STPG2: variants seen among roughly 807,000 people sequenced by gnomAD.
The protein encoded by STPG2 is sperm-tail PG-rich repeat-containing protein 2.
In STPG2, 56 loss-of-function variants were observed where a neutral mutation model predicts 54.2. The observed-to-expected ratio is 1.03, with a 90% confidence interval of 0.83 to 1.29. The LOEUF is 1.29. Ranked by LOEUF, STPG2 falls within the 50% of genes most tolerant of loss-of-function variation. The probability of loss-of-function intolerance (pLI) is 0.00; values close to 1 mark genes in which losing one functional copy is unlikely to be tolerated. For synonymous variants in STPG2, 200 were observed against 181.8 expected (o/e 1.10, Z -0.81); for missense variants, 596 against 544.9 (o/e 1.09, Z -0.93).
chr4:97,912,557 G>A (rs546885100), intron 8 of STPG2, among the ~76,000 whole-genome samples: 1 of 152,228 alleles, frequency 6.6e-6, no homozygotes, highest in Admixed American at 6.5e-5. Flanking sequence ...CCAAGTGGAG[G>A]AAAGAATCTC....
At chr4:97,575,555 T>C (rs916859157) in intron 10 of STPG2, among the ~76,000 whole-genome samples, 11 of 152,122 alleles carry the variant, frequency 7.2e-5, no homozygotes, top group African/African-American at 2.7e-4. Context: ...GAAAAAGCTT[T>C]TGATAAAAAT....
chr4:97,922,226 G>A (rs1268543202), intron 8 of STPG2, among the ~76,000 whole-genome samples: 2 of 151,938 alleles, frequency 1.3e-5, no homozygotes, highest in African/African-American at 2.4e-5. Flanking sequence ...TCATTTTACA[G>A]GGAATACATA....
chr4:97,973,234 G>C (rs1734393929), intron 6 of STPG2, among the ~76,000 whole-genome samples: 1 of 152,168 alleles, frequency 6.6e-6, no homozygotes, highest in Non-Finnish European at 1.5e-5. Context: ...GGAACTTGTT[G>C]GGAACTGGAG....
intron 5 of STPG2, among the ~76,000 whole-genome samples, chr4:98,021,641 T>C (rs1389580114): frequency 1.3e-5 from 2 of 152,118 alleles, no homozygotes; most frequent in Admixed American, 6.6e-5. Context: ...ATTATTATTG[T>C]GTGGGAGTCT....
intron 4 of STPG2, among the ~76,000 whole-genome samples, chr4:97,536,288 TA>T (rs1174012880): frequency 6.6e-6 from 1 of 152,210 alleles, no homozygotes; most frequent in African/African-American, 2.4e-5. Flanking sequence ...TCAGAATTTG[TA>T]ATACCATGTC....
In STPG2 at chr4:97,559,074, G is replaced by A; in HGVS notation, c.1364C>T (p.Ala455Val). The change falls in exon 11 of 11, where the codon GCT (alanine) becomes GTT (valine). Residue 455 changes from alanine (A) to valine (V), a missense_variant. Transcript: ENST00000295268. ...AAATTTATGTCACATTATATCAGCAGCCATTTCACCAATGAGATTTCCTTT... is the reference window on the plus strand; with the variant it reads ...AAATTTATGTCACATTATATCAGCAACCATTTCACCAATGAGATTTCCTTT... ...KKKGNLIGEMAADIM is the reference protein window; with the variant it reads ...KKKGNLIGEMVADIM 2 of 1,602,850 alleles carry A rather than the reference G, an allele frequency of 1.2e-6. No individual in the cohort carries two copies. The highest frequency in any genetic ancestry group is 1.7e-6 in the Non-Finnish European group (2 of 1,175,852).
At chr4:97,693,110 C>T (rs1343628521) in intron 10 of STPG2, among the ~76,000 whole-genome samples, 1 of 148,298 alleles carries the variant, frequency 6.7e-6, no homozygotes, top group African/African-American at 2.5e-5. Flanking sequence ...ACAAATCTCA[C>T]ATGACCAATA....
intron 9 of STPG2, among the ~76,000 whole-genome samples, chr4:97,773,078 T>C (rs1358063876): frequency 2.6e-5 from 4 of 152,218 alleles, no homozygotes; most frequent in Non-Finnish European, 5.9e-5. Flanking sequence ...TCACTCCTTT[T>C]ATATTACGTC....
chr4:97,956,130 T>A (rs927053982), intron 7 of STPG2, among the ~76,000 whole-genome samples: 1 of 152,118 alleles, frequency 6.6e-6, no homozygotes, highest in African/African-American at 2.4e-5. Context: ...TTAAAATGTT[T>A]GACAATAATT....
chr4:97,880,293 T>C (rs1320426809), intron 8 of STPG2, among the ~76,000 whole-genome samples: 1 of 152,192 alleles, frequency 6.6e-6, no homozygotes, highest in African/African-American at 2.4e-5. Flanking sequence ...ATTTGAAGCT[T>C]CTCATTTTGC....
intron 9 of STPG2, among the ~76,000 whole-genome samples, chr4:97,737,246 C>A (rs1578519939): frequency 6.6e-6 from 1 of 152,138 alleles, no homozygotes; most frequent in Non-Finnish European, 1.5e-5. Context: ...GTAGATAAAA[C>A]CACAAAGATG....
intron 8 of STPG2, among the ~76,000 whole-genome samples, chr4:97,898,663 C>A (rs1239752041): frequency 6.6e-6 from 1 of 151,622 alleles, no homozygotes; most frequent in East Asian, 1.9e-4. Context: ...TTTTACATGA[C>A]ACTGCCTACC....
intron 4 of STPG2, among the ~76,000 whole-genome samples, chr4:97,489,072 A>G (rs184024327): frequency 1.6e-4 from 25 of 151,734 alleles, no homozygotes; most frequent in African/African-American, 5.5e-4. Flanking sequence ...ATGATAGTGA[A>G]TAAGTCTCAT....
At chr4:98,084,980 C>A (rs1738462596) in intron 5 of STPG2, among the ~76,000 whole-genome samples, 1 of 151,942 alleles carries the variant, frequency 6.6e-6, no homozygotes, top group Non-Finnish European at 1.5e-5. Context: ...CAACTTTTTC[C>A]TTTTATGGTT....
At chr4:98,105,617 G>GA (rs1393477084) in intron 5 of STPG2, among the ~76,000 whole-genome samples, 2 of 151,978 alleles carry the variant, frequency 1.3e-5, no homozygotes, top group South Asian at 2.1e-4. Context: ...GACTGGGTCA[G>GA]AAAAAAACCA....
intron 10 of STPG2, among the ~76,000 whole-genome samples, chr4:97,635,144 A>C (rs796827328): frequency 1.3e-5 from 2 of 152,028 alleles, no homozygotes; most frequent in Non-Finnish European, 2.9e-5. Flanking sequence ...CGGATCTCTC[A>C]GCAGAAACCC....
At chr4:97,486,665 A>C (rs1730366299) in intron 4 of STPG2, among the ~76,000 whole-genome samples, 1 of 151,602 alleles carries the variant, frequency 6.6e-6, no homozygotes, top group Admixed American at 6.6e-5. Flanking sequence ...CCCATGACTG[A>C]GTATCTACCC....
chr4:97,442,011 CATT>C (rs949090817), intron 4 of STPG2, among the ~76,000 whole-genome samples: 4 of 151,854 alleles, frequency 2.6e-5, no homozygotes, highest in African/African-American at 9.7e-5. Context: ...ACTTGTAACA[CATT>C]AGAGGCTCTA....
intron 5 of STPG2, among the ~76,000 whole-genome samples, chr4:98,028,932 C>T (rs1361085850): frequency 6.6e-6 from 1 of 151,934 alleles, no homozygotes; most frequent in South Asian, 2.1e-4. Flanking sequence ...CTCATAATTT[C>T]CTCTTTCACC....
Sources: gnomAD v4.1 joint callset for allele counts (sites outside exome capture counted in the v4.1 genomes callset) on GRCh38, gnomAD v4.1.1 for gene constraint, MANE v1.5 for transcripts, NCBI Gene and HGNC (gene_info 2026-07-23, HGNC 2026-07-21) for gene names.